The following ZXDC variants were observed in gnomAD, a reference collection of about 807,000 sequenced individuals.
The protein encoded by ZXDC is ZXD family zinc finger C.
Under a neutral mutation model 63.6 loss-of-function variants are expected in ZXDC, and 58 were observed. That is an observed-to-expected ratio of 0.91 (90% CI 0.74 to 1.13). ZXDC has a LOEUF of 1.13. Among genes scored for constraint, ZXDC ranks in the 50% most tolerant of loss-of-function variants. The probability of loss-of-function intolerance (pLI) is 0.00; values close to 1 mark genes in which losing one functional copy is unlikely to be tolerated. For synonymous variants in ZXDC, 561 were observed against 496.1 expected (o/e 1.13, Z -1.74); for missense variants, 1,133 against 1,148.9 (o/e 0.99, Z 0.20).
intron 3 of ZXDC, 37 bp from the exon 4 acceptor site, chr3:126,471,062 A>G (rs749241885): frequency 4.4e-6 from 7 of 1,605,684 alleles, no homozygotes; most frequent in Non-Finnish European, 6.0e-6. Flanking sequence ...GTGATTCCTC[A>G]CACAACTCAC....
rs373467170 is a variant in ZXDC, at chr3:126,443,196, G to A, written c.2213-1250C>T. On this transcript the variant is annotated intron_variant, in intron 7 of 9. Coordinates refer to ENST00000389709, the MANE Select transcript of ZXDC (RefSeq NM_025112.5). The stretch of plus-strand genomic sequence containing the variant: ...AACACAGATTCAGTTCCCCCTCACT[G>A]CAGGGAGATGCACTTCCATTACAAA... 8.5e-5 allele frequency: 13 copies of A among 152,314 alleles called. No homozygotes were observed. The East Asian group carries it at 2.3e-3, about 27-fold the overall frequency. The allele number at this position is 152,314 out of a possible 1,614,324, so 9.4% of individuals were successfully genotyped here. A position where few individuals can be genotyped will look rare whatever the true frequency, so the allele number is the denominator to read the frequency against.
At chr3:126,446,072 G>C (rs1263882811) in intron 7 of ZXDC, among the ~76,000 whole-genome samples, 1 of 152,156 alleles carries the variant, frequency 6.6e-6, no homozygotes, top group Non-Finnish European at 1.5e-5. Flanking sequence ...GCAGTCACAA[G>C]AAAAATCAAA....
In ZXDC at chr3:126,472,254, G is replaced by A. The variant is rs1935010120; in HGVS notation, c.959C>T (p.Ala320Val). 3 of 1,612,648 alleles carry A rather than the reference G, an allele frequency of 1.9e-6. No individual in the cohort carries two copies. The highest frequency in any genetic ancestry group is 1.1e-5 in the South Asian group (1 of 91,058). The change falls in exon 2 of 10, where the codon GCC becomes GTC. Residue 320 changes from alanine (A) to valine (V), a missense_variant. By Grantham distance (64) the Ala-to-Val change is moderately conservative. Transcript: ENST00000389709. ...AAAGAGCTCTTGTTCCCTGAAGTGGGCTCGGTTATGGGAAAACAGGGCACT... is the reference window on the plus strand; with the variant it reads ...AAAGAGCTCTTGTTCCCTGAAGTGGACTCGGTTATGGGAAAACAGGGCACT... ...TVSALFSHNRAHFREQELFSC... is the reference protein window; with the variant it reads ...TVSALFSHNRVHFREQELFSC...
rs144017197 is a variant in ZXDC at position 126,458,822 on chromosome 3, C to G, written c.2212+831G>C. Reference sequence around the variant, plus strand: ...AAGTTCCATTCTGGTACTTTGTGAACTGTTGAGGTGTCCCTTCCTAAGTCA... The same window carrying G: ...AAGTTCCATTCTGGTACTTTGTGAAGTGTTGAGGTGTCCCTTCCTAAGTCA... On this transcript the variant is annotated intron_variant, in intron 7 of 9. Coordinates refer to ENST00000389709, the MANE Select transcript of ZXDC (RefSeq NM_025112.5). 8.7e-4 allele frequency: 853 copies of G among 985,424 alleles called. 1 individual carries two copies. In the African/African-American group the frequency reaches 0.012, roughly 13 times the overall value. The allele number at this position is 985,424 out of a possible 1,614,324, so 61.0% of individuals were successfully genotyped here. A position where few individuals can be genotyped will look rare whatever the true frequency, so the allele number is the denominator to read the frequency against.
chr3:126,442,117 A>G, intron 7 of ZXDC, 171 bp from the exon 8 acceptor site: 1 of 661,736 alleles, frequency 1.5e-6, no homozygotes, highest in Middle Eastern at 4.6e-4. Context: ...AGGTTGAAAC[A>G]AACAACCATA....
In ZXDC at chr3:126,459,701, T is replaced by C. The variant is rs1934446180; in HGVS notation, c.2164A>G (p.Ile722Val). The C allele has an allele frequency of 6.2e-6, 10 of 1,614,220 alleles. No individual in the cohort carries two copies. The highest frequency in any genetic ancestry group is 7.6e-6 in the Non-Finnish European group (9 of 1,180,036). Residue 722 changes from isoleucine (I) to valine (V), a missense_variant, in exon 7 of 10, where the codon ATT (isoleucine) becomes GTT (valine). Physicochemically the swap from Ile to Val is conservative, Grantham distance 29 (BLOSUM62 3). Transcript: ENST00000389709. ...TGCTTTTTTTCCTTGGCTAGTTGAA[T>C]GGCTCGGTAATCAGTTCTTGCTGAG... ...GGSARTDYRA[I>V]QLAKEKKQRG...
intron 7 of ZXDC, among the ~76,000 whole-genome samples, chr3:126,457,957 C>T (rs1934372780): frequency 6.6e-6 from 1 of 152,198 alleles, no homozygotes; most frequent in Admixed American, 6.5e-5. Context: ...AAGGTCCAGA[C>T]TGGCACACTC....
In ZXDC at chr3:126,451,544, CAG is replaced by C. The variant is rs1178394886; in HGVS notation, c.2212+8107_2212+8108del. The C allele has an allele frequency of 2.2e-5, 22 of 985,316 alleles. No individual in the cohort carries two copies. In the African/African-American group the frequency reaches 3.7e-4, roughly 16 times the overall value. The allele number at this position is 985,316 out of a possible 1,614,324, so 61.0% of individuals were successfully genotyped here. A position where few individuals can be genotyped will look rare whatever the true frequency, so the allele number is the denominator to read the frequency against. On this transcript the variant is annotated intron_variant, in intron 7 of 9. Transcript: ENST00000389709. ...ACCAAATGACCCTCCAAAAACATCA[CAG>C]AGTGTCCCCAGTGAAGCTCTCCTGA...
At chr3:126,438,545 C>T in intron 9 of ZXDC, 84 bp from the exon 10 acceptor site, 1 of 1,293,724 alleles carries the variant, frequency 7.7e-7, no homozygotes. Context: ...GGACACTGAC[C>T]AGGCCCGTGG....
intron 7 of ZXDC, among the ~76,000 whole-genome samples, chr3:126,456,058 T>C (rs1576674275): frequency 6.7e-6 from 1 of 150,026 alleles, no homozygotes; most frequent in African/African-American, 2.4e-5. Flanking sequence ...AATAAGTAAA[T>C]GAGGGAGAAG....
intron 7 of ZXDC, chr3:126,452,642 G>T: frequency 1.2e-6 from 1 of 802,210 alleles, no homozygotes; most frequent in Non-Finnish European, 1.5e-6. Context: ...AGCTCCATTT[G>T]GTCAGAATAG....
chr3:126,461,803 A>T lies in ZXDC; in HGVS notation c.1859T>A (p.Leu620Ter), dbSNP rs1934556650. Residue 620 changes from leucine to a stop codon, truncating the protein, a stop_gained, in exon 6 of 10, where the codon TTG (leucine) becomes TAG (stop). Coordinates refer to ENST00000389709, the MANE Select transcript of ZXDC (RefSeq NM_025112.5). LOFTEE classifies it high-confidence loss of function. Reference sequence around the variant, plus strand: ...GGTCAAAGCCAGTGGGTCGTCACTCAAGTTCTTCATGGGCAGAGCCACCAG... The same window carrying T: ...GGTCAAAGCCAGTGGGTCGTCACTCTAGTTCTTCATGGGCAGAGCCACCAG... ...GCLVALPMKN[L>*]SDDPLALTSN... 5.6e-6 allele frequency: 9 copies of T among 1,613,984 alleles called. No individual in the cohort carries two copies. Among genetic ancestry groups the T allele is most frequent in the Non-Finnish European group, 7.6e-6 (9 of 1,179,984 alleles).
intron 5 of ZXDC, among the ~76,000 whole-genome samples, chr3:126,463,071 TATTA>T (rs1182806477): frequency 2.1e-4 from 19 of 92,078 alleles, no homozygotes; most frequent in Non-Finnish European, 1.1e-4. Flanking sequence ...TAATTATTAT[TATTA>T]TTATTTTTTT....
At chr3:126,472,327 C>A (rs777813957) in intron 1 of ZXDC, 22 bp from the exon 2 acceptor site, 14 of 1,595,840 alleles carry the variant, frequency 8.8e-6, no homozygotes, top group Non-Finnish European at 1.2e-5. Context: ...AAACACAAAC[C>A]CTGCTCAAAG....
At chr3:126,470,112 A>G (rs1934924818) in intron 4 of ZXDC, among the ~76,000 whole-genome samples, 1 of 152,006 alleles carries the variant, frequency 6.6e-6, no homozygotes, top group South Asian at 2.1e-4. Flanking sequence ...CACGCAGCCA[A>G]TTTCTGGCAA....
chr3:126,440,069 C>A, intron 8 of ZXDC: 1 of 1,117,070 alleles, frequency 9.0e-7, no homozygotes. Context: ...TGTACCCCCA[C>A]CAACCTTGTG....
rs1010491522 is a variant in ZXDC at position 126,454,022 on chromosome 3, T to C, written c.2212+5631A>G. ...ATATATATATATAAGCAGTACTATA[T>C]ATTATGTATATATATAGGTAGTACT... On this transcript the variant is annotated intron_variant, in intron 7 of 9. Transcript: ENST00000389709. 4 of 802,154 alleles carry C rather than the reference T, an allele frequency of 5.0e-6. No individual in the cohort carries two copies. In the African/African-American group the frequency reaches 7.5e-5, roughly 15 times the overall value. 49.7% of individuals were successfully genotyped at this position (802,154 alleles called of 1,614,324 possible). A position where few individuals can be genotyped will look rare whatever the true frequency, so the allele number is the denominator to read the frequency against.
chr3:126,473,062 A>T (rs1219121141), intron 1 of ZXDC, among the ~76,000 whole-genome samples: 1 of 152,170 alleles, frequency 6.6e-6, no homozygotes, highest in African/African-American at 2.4e-5. Context: ...TGCCACACAG[A>T]TGTACATGGC....
intron 6 of ZXDC, chr3:126,460,446 G>C: frequency 1.0e-6 from 1 of 984,522 alleles, no homozygotes; most frequent in Non-Finnish European, 1.2e-6. Flanking sequence ...CAGCTAGCAA[G>C]AAAATGAACA....
Sources: gnomAD v4.1 joint callset for allele counts (sites outside exome capture counted in the v4.1 genomes callset) on GRCh38, gnomAD v4.1.1 for gene constraint, MANE v1.5 for transcripts, NCBI Gene and HGNC (gene_info 2026-07-23, HGNC 2026-07-21) for gene names.